DNAJC27: variants seen among roughly 807,000 people sequenced by gnomAD.
The protein encoded by DNAJC27 is dnaJ homolog subfamily C member 27.
A neutral mutation model predicts 31.4 loss-of-function variants in DNAJC27; 25 were observed. The observed-to-expected ratio is 0.80, with a 90% CI of 0.58 to 1.11. DNAJC27 has a LOEUF of 1.11. Among genes scored for constraint, DNAJC27 ranks in the 50% most tolerant of loss-of-function variants. The pLI, the probability that DNAJC27 is intolerant of heterozygous loss-of-function variation, is 0.00. For synonymous variants in DNAJC27, 106 were observed against 112.7 expected (o/e 0.94, Z 0.37); for missense variants, 356 against 347.3 (o/e 1.02, Z -0.20).
At chr2:24,956,891 CCT>C in intron 5 of DNAJC27, 150 bp downstream of exon 5, 1 of 896,100 alleles carries the variant, frequency 1.1e-6, no homozygotes, top group Non-Finnish European at 1.6e-6. Flanking sequence ...TTTCTCTCCC[CCT>C]TTCTCTATTT....
At chr2:24,950,876 C>A (rs983975235) in intron 6 of DNAJC27, among the ~76,000 whole-genome samples, 8 of 150,486 alleles carry the variant, frequency 5.3e-5, no homozygotes, top group Admixed American at 5.3e-4. Context: ...AAAAAATAAA[C>A]AAATACACAC....
chr2:24,954,958 G>C (rs567783637), intron 5 of DNAJC27, among the ~76,000 whole-genome samples: 1 of 152,100 alleles, frequency 6.6e-6, no homozygotes, highest in East Asian at 1.9e-4. Flanking sequence ...AAAAACCAAC[G>C]GTCTTCTGAG....
chr2:24,958,155 G>A (rs995784795), intron 3 of DNAJC27, among the ~76,000 whole-genome samples, 181 bp from the exon 4 acceptor site: 7 of 152,164 alleles, frequency 4.6e-5, no homozygotes, highest in African/African-American at 1.4e-4. Context: ...TTCTAAAAAT[G>A]TATTAGCATA....
At chr2:24,970,721 CT>C (rs1666310499) in intron 1 of DNAJC27, among the ~76,000 whole-genome samples, 2 of 151,614 alleles carry the variant, frequency 1.3e-5, no homozygotes, top group South Asian at 4.2e-4. Context: ...TCCCAAAGTG[CT>C]GATGTATTAC....
intron 2 of DNAJC27, among the ~76,000 whole-genome samples, chr2:24,966,013 A>G (rs1666171691): frequency 6.6e-6 from 1 of 152,220 alleles, no homozygotes; most frequent in South Asian, 2.1e-4. Context: ...ACAAATAATA[A>G]CAATACAAGG....
At chr2:24,957,279 G>GGA in intron 4 of DNAJC27, 114 bp from the exon 5 acceptor site, 1 of 1,169,696 alleles carries the variant, frequency 8.5e-7, no homozygotes. Context: ...CTTAGTAAAT[G>GGA]CCTGCACTAG....
Position 24,943,887 on chromosome 2 carries a change from C to T in DNAJC27, c.*3729G>A, listed in dbSNP as rs1266631253. ...TGTCCAGCTCTCCAGCAAAACTCAT[C>T]TTGCCAACAGGGCCTCTATTGCACC... On this transcript the variant is annotated 3_prime_UTR_variant, in exon 7 of 7. Transcript: ENST00000264711. 3.9e-5 allele frequency: 6 copies of T among 152,752 alleles called. No homozygotes were observed. In the East Asian group the frequency reaches 1.2e-3, roughly 29 times the overall value. The allele number at this position is 152,752 out of a possible 1,614,324, so 9.5% of individuals were successfully genotyped here.
At chr2:24,968,586 C>T (rs1666247799) in intron 1 of DNAJC27, among the ~76,000 whole-genome samples, 1 of 151,896 alleles carries the variant, frequency 6.6e-6, no homozygotes, top group Non-Finnish European at 1.5e-5. Context: ...CCGTGAACCG[C>T]CCGCCTCGGT....
chr2:24,955,432 A>C (rs2149123985), intron 5 of DNAJC27, among the ~76,000 whole-genome samples: 1 of 152,318 alleles, frequency 6.6e-6, no homozygotes, highest in East Asian at 1.9e-4. Context: ...AAATGGTCTA[A>C]TATACATGTA....
At chr2:24,953,886 T>C (rs1359157967) in intron 5 of DNAJC27, among the ~76,000 whole-genome samples, 3 of 152,230 alleles carry the variant, frequency 2.0e-5, no homozygotes, top group Non-Finnish European at 4.4e-5. Flanking sequence ...GACAGAGTAA[T>C]GAATACTGGA....
chr2:24,965,839 T>C (rs769393177), intron 2 of DNAJC27, among the ~76,000 whole-genome samples: 11 of 152,176 alleles, frequency 7.2e-5, no homozygotes, highest in Non-Finnish European at 1.0e-4. Flanking sequence ...ATTGCCCTCA[T>C]AGTCTAATCT....
At chr2:24,968,638 G>A (rs1365204771) in intron 1 of DNAJC27, among the ~76,000 whole-genome samples, 4 of 151,832 alleles carry the variant, frequency 2.6e-5, no homozygotes, top group Non-Finnish European at 4.4e-5. Context: ...CACTGTGTCC[G>A]GCCTAGAATT....
At chr2:24,957,380 G>C (rs750210015) in intron 4 of DNAJC27, among the ~76,000 whole-genome samples, 12 of 152,174 alleles carry the variant, frequency 7.9e-5, no homozygotes, top group Non-Finnish European at 2.9e-5. Flanking sequence ...AGTGCCTGCT[G>C]CTGCAATGTC....
rs1043174955 is a variant in DNAJC27, at chr2:24,944,279, C to T, written c.*3337G>A. 6.6e-6 allele frequency: 1 copy of T among 152,108 alleles called. No individual in the cohort carries two copies. The highest frequency in any genetic ancestry group is 1.5e-5 in the Non-Finnish European group (1 of 68,030). 9.4% of individuals were successfully genotyped at this position (152,108 alleles called of 1,614,324 possible). ...GGCAACAAGCACATGGCTTACAGCT[C>T]CACCTTTCTAACTTTTGGCAAAATC... On this transcript the variant is annotated 3_prime_UTR_variant, in exon 7 of 7. Transcript: ENST00000264711.
In DNAJC27 at chr2:24,944,667, G is replaced by C. The variant is rs1264068171; in HGVS notation, c.*2949C>G. ...CTGGATTTTTAAATTAACAGGCTAA[G>C]AAAACTAAGGACACATTGATATAGA... On this transcript the variant is annotated 3_prime_UTR_variant, in exon 7 of 7. Coordinates refer to ENST00000264711, the MANE Select transcript of DNAJC27 (RefSeq NM_016544.3). 6.6e-6 allele frequency: 1 copy of C among 152,516 alleles called. No individual in the cohort carries two copies. Among genetic ancestry groups the C allele is most frequent in the African/African-American group, 2.4e-5 (1 of 41,406 alleles). The allele number at this position is 152,516 out of a possible 1,614,324, so 9.4% of individuals were successfully genotyped here.
At position 24,945,327 on chromosome 2, in the gene DNAJC27, C is replaced by G. The variant is rs1665620722; in HGVS notation, c.*2289G>C. On this transcript the variant is annotated 3_prime_UTR_variant, in exon 7 of 7. Transcript: ENST00000264711. ...AAACTGAGTCTCAAGACCTAAGAAT[C>G]AAGCTCAGGCTAAATTTCACCAACT... is the stretch of plus-strand genomic sequence containing the variant. 6.6e-6 allele frequency: 1 copy of G among 152,210 alleles called. No homozygotes were observed. The allele number at this position is 152,210 out of a possible 1,614,324, so 9.4% of individuals were successfully genotyped here.
chr2:24,967,167 G>T, intron 2 of DNAJC27, 44 bp downstream of exon 2: 1 of 1,490,296 alleles, frequency 6.7e-7, no homozygotes, highest in South Asian at 1.1e-5. Flanking sequence ...GGAAAGTTCT[G>T]AACTTCTATG....
chr2:24,967,329 C>T (rs1666212867), intron 1 of DNAJC27, 36 bp from the exon 2 acceptor site: 1 of 1,336,846 alleles, frequency 7.5e-7, no homozygotes, highest in Non-Finnish European at 1.1e-6. Flanking sequence ...TTAGTAAATA[C>T]ATAGTGAGAA....
chr2:24,970,844 A>T (rs1359044526), intron 1 of DNAJC27, among the ~76,000 whole-genome samples: 1 of 152,150 alleles, frequency 6.6e-6, no homozygotes, highest in Admixed American at 6.5e-5. Flanking sequence ...ATACACACAA[A>T]AGTAGTACGG....
Sources: allele counts gnomAD v4.1 joint callset (sites outside exome capture counted in the v4.1 genomes callset), GRCh38; gene constraint gnomAD v4.1.1; transcripts MANE v1.5; gene names NCBI Gene and HGNC (gene_info 2026-07-23, HGNC 2026-07-21).